EXD2: variants seen among roughly 807,000 people sequenced by gnomAD.
EXD2 encodes the protein exonuclease 3'-5' domain containing 2.
EXD2 carries 40 observed loss-of-function variants against 62.5 expected under a neutral mutation model. The observed-to-expected ratio is 0.64, with a 90% CI of 0.50 to 0.83. The LOEUF (loss-of-function observed/expected upper bound fraction) is 0.83. EXD2 is among the 40% of genes least tolerant of loss of function. EXD2 has a pLI of 0.00. For synonymous variants in EXD2, 239 were observed against 291.9 expected (o/e 0.82, Z 1.85); for missense variants, 671 against 761.8 (o/e 0.88, Z 1.40).
intron 3 of EXD2, among the ~76,000 whole-genome samples, chr14:69,211,406 T>C (rs906311217): frequency 1.3e-4 from 20 of 150,636 alleles, no homozygotes; most frequent in African/African-American, 4.4e-4. Context: ...TCTTGCTGTA[T>C]CCAGGAAATG....
intron 7 of EXD2, 72 bp from the exon 8 acceptor site, chr14:69,236,335 G>A: frequency 6.2e-7 from 1 of 1,609,464 alleles, no homozygotes; most frequent in Non-Finnish European, 8.5e-7. Flanking sequence ...GAACAGTGAA[G>A]GTAGTGCTGC....
At chr14:69,201,672 GTTTTTTTTTTTT>G (rs71102634) in intron 1 of EXD2, among the ~76,000 whole-genome samples, 10 of 59,022 alleles carry the variant, frequency 1.7e-4, no homozygotes, top group East Asian at 1.1e-3. Context: ...TGTTTTCTCT[GTTTTTTTTTTTT>G]TTTTTTTTTT....
intron 9 of EXD2, among the ~76,000 whole-genome samples, chr14:69,240,032 A>G (rs532446661): frequency 7.2e-5 from 11 of 152,338 alleles, no homozygotes; most frequent in African/African-American, 2.6e-4. Context: ...GGAGACAGGC[A>G]AGTTAGTGGG....
intron 9 of EXD2, 83 bp from the exon 10 acceptor site, chr14:69,240,801 C>G: frequency 8.1e-7 from 1 of 1,241,030 alleles, no homozygotes; most frequent in Non-Finnish European, 1.1e-6. Flanking sequence ...CCCAGTTACC[C>G]TTGGCGCGCA....
At chr14:69,236,608 C>G (rs2043800438) in intron 8 of EXD2, 66 bp downstream of exon 8, 1 of 1,604,672 alleles carries the variant, frequency 6.2e-7, no homozygotes, top group Non-Finnish European at 8.5e-7. Context: ...TAGCCATATG[C>G]AGAGCCTTTG....
intron 3 of EXD2, among the ~76,000 whole-genome samples, chr14:69,211,276 C>T (rs2042797184): frequency 6.6e-6 from 1 of 151,914 alleles, no homozygotes; most frequent in Non-Finnish European, 1.5e-5. Flanking sequence ...GAGTAGATTC[C>T]ATCTCAAGAA....
At position 69,241,983 on chromosome 14, in the gene EXD2, T is replaced by C. The variant is rs2043994414; in HGVS notation, c.*883T>C. On this transcript the variant is annotated 3_prime_UTR_variant, in exon 10 of 10. Transcript: ENST00000685843. ...GTATCAGTTCCCCTGTATTCTGTGC[T>C]TCATCGAATTTGCAAGACTGACCTC... The C allele has an allele frequency of 2.5e-6, 1 of 398,548 alleles. No individual in the cohort carries two copies. The highest frequency in any genetic ancestry group is 3.6e-5 in the East Asian group (1 of 28,090). 24.7% of individuals were successfully genotyped at this position (398,548 alleles called of 1,614,324 possible). A position where few individuals can be genotyped will look rare whatever the true frequency, so the allele number is the denominator to read the frequency against.
intron 5 of EXD2, 90 bp downstream of exon 5, chr14:69,230,688 A>G: frequency 7.0e-6 from 10 of 1,429,768 alleles, no homozygotes; most frequent in Non-Finnish European, 9.4e-6. Context: ...ATATAGTATA[A>G]GTATTGGATG....
intron 2 of EXD2, among the ~76,000 whole-genome samples, chr14:69,205,097 G>A (rs914731744): frequency 4.6e-5 from 7 of 152,044 alleles, no homozygotes; most frequent in African/African-American, 1.2e-4. Context: ...ATCCAGCTTG[G>A]GGCTCAGAGA....
intron 7 of EXD2, 44 bp from the exon 8 acceptor site, chr14:69,236,362 TG>T: frequency 6.2e-7 from 1 of 1,613,362 alleles, no homozygotes; most frequent in Non-Finnish European, 8.5e-7. Flanking sequence ...GGTGTGGTGG[TG>T]GGGGCAGGGG....
chr14:69,236,415 A>C lies in EXD2; in HGVS notation c.1165A>C (p.Ser389Arg). 9.9e-6 allele frequency: 16 copies of C among 1,614,042 alleles called. No individual in the cohort carries two copies. The highest frequency in any genetic ancestry group is 1.4e-5 in the Non-Finnish European group (16 of 1,180,004). The change falls in exon 8 of 10, where the codon AGT becomes CGT. Residue 389 changes from serine to arginine, a missense_variant. Transcript: ENST00000685843. The part of the protein sequence containing the change: ...YLDKGIGELV[S>R]EEPFVVKLRF... ...ATGTCTCTTCTCTTAAGAGCTGGTG[A>C]GTGAAGAGCCCTTTGTGGTGAAGCT...
At chr14:69,218,102 A>G (rs1012865067) in intron 3 of EXD2, among the ~76,000 whole-genome samples, 3 of 152,228 alleles carry the variant, frequency 2.0e-5, no homozygotes, top group African/African-American at 7.2e-5. Context: ...TCCTTGAGGA[A>G]TCGCCACACT....
chr14:69,241,274 G>C lies in EXD2; in HGVS notation c.*174G>C. 3.3e-6 allele frequency: 2 copies of C among 608,758 alleles called. No individual in the cohort carries two copies. The highest frequency in any genetic ancestry group is 4.5e-4 in the Middle Eastern group (1 of 2,236). The allele number at this position is 608,758 out of a possible 1,614,324, so 37.7% of individuals were successfully genotyped here. On this transcript the variant is annotated 3_prime_UTR_variant, in exon 10 of 10. Coordinates refer to ENST00000685843, the MANE Select transcript of EXD2 (RefSeq NM_001193360.2). Reference sequence around the variant, plus strand: ...TGGAGCAAAGATATTGTTTGAAGGAGAGTTTATGGTTTTGGATTTTAAACG... The same window carrying C: ...TGGAGCAAAGATATTGTTTGAAGGACAGTTTATGGTTTTGGATTTTAAACG...
chr14:69,239,822 G>A (rs915631293), intron 9 of EXD2, among the ~76,000 whole-genome samples: 36 of 152,154 alleles, frequency 2.4e-4, no homozygotes, highest in African/African-American at 8.7e-4. Context: ...GGCTGGTCTC[G>A]AACTCCTGAC....
intron 4 of EXD2, 43 bp from the exon 5 acceptor site, chr14:69,230,429 C>A (rs770865645): frequency 4.9e-6 from 7 of 1,443,218 alleles, no homozygotes; most frequent in Non-Finnish European, 6.7e-6. Context: ...TTGTCCATGT[C>A]CTTTGCCCGT....
chr14:69,202,228 T>C (rs1263848910), intron 1 of EXD2, among the ~76,000 whole-genome samples: 1 of 151,852 alleles, frequency 6.6e-6, no homozygotes, highest in Non-Finnish European at 1.5e-5. Context: ...AAAATATTAG[T>C]TGGGGTGCTG....
intron 7 of EXD2, 126 bp from the exon 8 acceptor site, chr14:69,236,281 T>A: frequency 6.5e-7 from 1 of 1,544,248 alleles, no homozygotes; most frequent in Non-Finnish European, 8.9e-7. Context: ...TGGGACTGGG[T>A]AGGCACAACC....
At chr14:69,204,744 G>A (rs561926162) in intron 2 of EXD2, among the ~76,000 whole-genome samples, 2 of 152,176 alleles carry the variant, frequency 1.3e-5, no homozygotes, top group South Asian at 2.1e-4. Flanking sequence ...ATCAAGGCTC[G>A]ATAAGGTTAA....
At chr14:69,199,238 C>T (rs1035962421) in intron 1 of EXD2, among the ~76,000 whole-genome samples, 3 of 152,134 alleles carry the variant, frequency 2.0e-5, no homozygotes, top group Admixed American at 1.3e-4. Flanking sequence ...AGTGAGACTC[C>T]GTCTCAAGAA....
Sources: allele counts gnomAD v4.1 joint callset (sites outside exome capture counted in the v4.1 genomes callset), GRCh38; gene constraint gnomAD v4.1.1; transcripts MANE v1.5; gene names NCBI Gene and HGNC (gene_info 2026-07-23, HGNC 2026-07-21).